The following MFF variants were observed in gnomAD, a reference collection of about 807,000 sequenced individuals.
The protein encoded by MFF is mitochondrial fission factor.
Under a neutral mutation model 36.9 loss-of-function variants are expected in MFF, and 12 were observed. The ratio of observed to expected loss-of-function variants is 0.33; its 90% CI spans 0.21 to 0.53. The LOEUF (loss-of-function observed/expected upper bound fraction) is 0.53. Ranked by LOEUF, MFF falls within the 20% of genes least tolerant of loss-of-function variation. MFF has a pLI of 0.95. For missense variants in MFF, 348 were observed against 366.6 expected (o/e 0.95, Z 0.42); for synonymous variants, 99 against 126.2 (o/e 0.78, Z 1.44).
intron 7 of MFF, among the ~76,000 whole-genome samples, chr2:227,353,482 G>C (rs561653090): frequency 6.6e-6 from 1 of 152,168 alleles, no homozygotes; most frequent in Non-Finnish European, 1.5e-5. Context: ...GAATTGAAAA[G>C]CGTGCCTGTG....
chr2:227,354,711 G>T (rs2076173185), intron 7 of MFF, among the ~76,000 whole-genome samples: 1 of 148,886 alleles, frequency 6.7e-6, no homozygotes, highest in Non-Finnish European at 1.5e-5. Flanking sequence ...TGCTTTCTCT[G>T]GATTTTGTCT....
At chr2:227,342,387 G>A (rs2075444002) in intron 5 of MFF, among the ~76,000 whole-genome samples, 1 of 152,028 alleles carries the variant, frequency 6.6e-6, no homozygotes, top group Non-Finnish European at 1.5e-5. Flanking sequence ...ATTATTCAGT[G>A]TTGTTAACGT....
Position 227,357,134 on chromosome 2 carries a change from C to T in MFF, c.*17C>T. 6.2e-7 allele frequency: 1 copy of T among 1,607,276 alleles called. No homozygotes were observed. The highest frequency in any genetic ancestry group is 8.5e-7 in the Non-Finnish European group (1 of 1,178,330). On this transcript the variant is annotated 3_prime_UTR_variant, in exon 9 of 9. Coordinates refer to ENST00000304593, the MANE Select transcript of MFF (RefSeq NM_001277062.2). Reference sequence around the variant, plus strand: ...CGCCGCTAGAGGTAACATCAGCCCTCAAAAATACTGTCTCAACAGCTGGAA... The same window carrying T: ...CGCCGCTAGAGGTAACATCAGCCCTTAAAAATACTGTCTCAACAGCTGGAA...
At chr2:227,329,923 T>TAAAA (rs11384091) in intron 2 of MFF, 173 of 409,904 alleles carry the variant, frequency 4.2e-4, no homozygotes, top group South Asian at 1.3e-3. Context: ...TCTACTGCAT[T>TAAAA]AAAAAAAAAA....
intron 6 of MFF, among the ~76,000 whole-genome samples, chr2:227,351,189 G>A (rs1056998704): frequency 1.3e-5 from 2 of 152,120 alleles, no homozygotes; most frequent in African/African-American, 4.8e-5. Context: ...TATGTTAGTA[G>A]GATGAGATGA....
intron 7 of MFF, among the ~76,000 whole-genome samples, chr2:227,354,239 A>G (rs916430642): frequency 2.6e-5 from 4 of 152,196 alleles, no homozygotes; most frequent in Admixed American, 6.5e-5. Context: ...ATTACTTTTA[A>G]CAATATTTAA....
chr2:227,330,570 G>T, intron 2 of MFF, 56 bp from the exon 3 acceptor site: 1 of 1,198,474 alleles, frequency 8.3e-7, no homozygotes, highest in African/African-American at 2.1e-5. Flanking sequence ...ACTTCACTGC[G>T]TAGAGGAGAC....
intron 4 of MFF, among the ~76,000 whole-genome samples, chr2:227,339,838 A>G (rs889273791): frequency 6.6e-6 from 1 of 152,250 alleles, no homozygotes; most frequent in Admixed American, 6.5e-5. Flanking sequence ...TTTTTAGTCT[A>G]GTTTTCAAAT....
In MFF at chr2:227,330,632, C is replaced by T. The variant is rs2074502294; in HGVS notation, c.-34C>T. On this transcript the variant is annotated 5_prime_UTR_variant, in exon 3 of 9. Coordinates refer to ENST00000304593, the MANE Select transcript of MFF (RefSeq NM_001277062.2). ...TTAAATTTTTCTCCCACAGGGTGAG[C>T]AGGGCAGCATTTCCTTCTCCCACTG... 3 of 1,613,032 alleles carry T rather than the reference C, an allele frequency of 1.9e-6. No homozygotes were observed. Among genetic ancestry groups the T allele is most frequent in the Non-Finnish European group, 2.5e-6 (3 of 1,179,164 alleles).
At position 227,328,088 on chromosome 2, in the gene MFF, A is replaced by G. The variant is rs370229777; in HGVS notation, c.-152-590A>G. ...ATCGTAAGTGAATGAAAATTTAAAC[A>G]GGCCGGGCACGGTGGCTCACACCTG... On this transcript the variant is annotated intron_variant, in intron 1 of 8. Transcript: ENST00000304593. 9.1e-4 allele frequency among the ~76,000 whole-genome samples: 139 copies of G among 152,284 alleles called. 1 individual carries two copies. In the Middle Eastern group the frequency reaches 0.014, roughly 15 times the overall value.
At chr2:227,333,571 A>G (rs138450944) in intron 4 of MFF, among the ~76,000 whole-genome samples, 290 of 152,350 alleles carry the variant, frequency 1.9e-3, no homozygotes, top group Non-Finnish European at 2.8e-3. Flanking sequence ...GCATTCAAAA[A>G]GTTTGCTGTC....
chr2:227,341,100 A>G (rs561698607), intron 5 of MFF, among the ~76,000 whole-genome samples: 1 of 152,292 alleles, frequency 6.6e-6, no homozygotes, highest in East Asian at 1.9e-4. Context: ...GAGATGATAC[A>G]TCTCTTCTGA....
intron 7 of MFF, 26 bp downstream of exon 7, chr2:227,352,599 C>G (rs1032746931): frequency 2.4e-5 from 34 of 1,442,884 alleles, no homozygotes; most frequent in Non-Finnish European, 3.2e-5. Flanking sequence ...TCGTAATTAC[C>G]AGGGTAAATG....
At chr2:227,349,154 A>C (rs1224286931) in intron 6 of MFF, among the ~76,000 whole-genome samples, 1 of 152,136 alleles carries the variant, frequency 6.6e-6, no homozygotes, top group Non-Finnish European at 1.5e-5. Context: ...GTCACAGTAC[A>C]TTAAAATTAT....
chr2:227,334,938 G>C (rs1426489600), intron 4 of MFF, among the ~76,000 whole-genome samples: 1 of 152,134 alleles, frequency 6.6e-6, no homozygotes, highest in East Asian at 1.9e-4. Context: ...GGAGGCTGAG[G>C]TGGGCAGATC....
At chr2:227,334,346 A>G (rs1161686888) in intron 4 of MFF, among the ~76,000 whole-genome samples, 2 of 152,196 alleles carry the variant, frequency 1.3e-5, no homozygotes, top group Non-Finnish European at 2.9e-5. Context: ...GAAAGCAAAG[A>G]TGATGGTTTG....
At chr2:227,326,226 G>GAAA (rs58063493) in intron 1 of MFF, among the ~76,000 whole-genome samples, 1 of 133,782 alleles carries the variant, frequency 7.5e-6, no homozygotes, top group South Asian at 2.4e-4. Flanking sequence ...CATTAAAGGG[G>GAAA]AAAAAAAAAA....
chr2:227,328,361 A>G (rs2074328663), intron 1 of MFF, among the ~76,000 whole-genome samples: 2 of 148,158 alleles, frequency 1.3e-5, no homozygotes, highest in Middle Eastern at 3.2e-3. Flanking sequence ...GTGTACCTAT[A>G]TGCATATATA....
In MFF at chr2:227,330,707, T is replaced by G. The variant is rs1329681665; in HGVS notation, c.42T>G (p.Thr14=). The G allele has an allele frequency of 1.9e-6, 3 of 1,614,050 alleles. No homozygotes were observed. In the African/African-American group the frequency reaches 4.0e-5, roughly 22 times the overall value. The change falls in exon 3 of 9, where the codon ACT becomes ACG. Residue 14 remains threonine, a synonymous_variant. Transcript: ENST00000304593. ...ISRIQYEMEY[T]EGISQRMRVP... The stretch of plus-strand genomic sequence containing the variant: ...GAATTCAGTACGAAATGGAATATAC[T>G]GAAGGCATTAGTCAGCGAATGAGGG...
Sources: allele counts gnomAD v4.1 joint callset (sites outside exome capture counted in the v4.1 genomes callset), GRCh38; gene constraint gnomAD v4.1.1; transcripts MANE v1.5; gene names NCBI Gene and HGNC (gene_info 2026-07-23, HGNC 2026-07-21).